PCDHA4: variants seen among roughly 807,000 people sequenced by gnomAD.
PCDHA4 encodes protocadherin alpha-4.
A neutral mutation model predicts 61.4 loss-of-function variants in PCDHA4; 49 were observed. That is an observed-to-expected ratio of 0.80 (90% CI 0.63 to 1.01). The LOEUF is 1.01. Among genes scored for constraint, PCDHA4 ranks in the 50% least tolerant of loss-of-function variants. The probability of loss-of-function intolerance (pLI) is 0.00; values close to 1 mark genes in which losing one functional copy is unlikely to be tolerated. For missense variants in PCDHA4, 1,254 were observed against 1,235.8 expected (o/e 1.01, Z -0.22); for synonymous variants, 590 against 550.3 (o/e 1.07, Z -1.01).
chr5:140,838,287 T>TTTTC (rs200382821), intron 1 of PCDHA4, among the ~76,000 whole-genome samples: 30 of 150,176 alleles, frequency 2.0e-4, no homozygotes, highest in African/African-American at 7.4e-4. Context: ...CTAATTTTTT[T>TTTTC]TTTTTTTTGT....
In PCDHA4 at chr5:140,895,957, C is replaced by G. The variant is rs186458993; in HGVS notation, c.2386-82992C>G. Among the ~76,000 whole-genome samples, 2 of 152,196 alleles carry G rather than the reference C, an allele frequency of 1.3e-5. 1 individual carries two copies. Among genetic ancestry groups the G allele is most frequent in the Admixed American group, 1.3e-4 (2 of 15,284 alleles). On this transcript the variant is annotated intron_variant, in intron 1 of 3. Transcript: ENST00000530339. Reference sequence around the variant, plus strand: ...TCCCGAGTAGCTGGGATTACAGGTGCCTGTCACCAGGCCTAGCTAATTTTT... The same window carrying G: ...TCCCGAGTAGCTGGGATTACAGGTGGCTGTCACCAGGCCTAGCTAATTTTT...
intron 1 of PCDHA4, among the ~76,000 whole-genome samples, chr5:140,899,991 G>C (rs2067668603): frequency 6.6e-6 from 1 of 151,712 alleles, no homozygotes; most frequent in African/African-American, 2.4e-5. Context: ...GATTTTTTTT[G>C]TAGAGATGAG....
chr5:140,884,385 C>T (rs1554181508), intron 1 of PCDHA4: 1 of 1,613,992 alleles, frequency 6.2e-7, no homozygotes, highest in Non-Finnish European at 8.5e-7. Context: ...GCCATCTGCG[C>T]GGTGTCCAGC....
intron 1 of PCDHA4, chr5:140,850,708 C>A: frequency 6.3e-7 from 1 of 1,598,016 alleles, no homozygotes; most frequent in Non-Finnish European, 8.6e-7. Flanking sequence ...GGCAAGCCGA[C>A]GCTGGTGTGT....
At chr5:140,965,609 G>T (rs568507618) in intron 1 of PCDHA4, among the ~76,000 whole-genome samples, 9 of 151,736 alleles carry the variant, frequency 5.9e-5, no homozygotes, top group Admixed American at 2.0e-4. Context: ...TGAAGACATT[G>T]TCATCCATTA....
rs542615615 is a variant in PCDHA4, at chr5:140,855,959, A to G, written c.2385+46387A>G. 8 of 1,399,890 alleles carry G rather than the reference A, an allele frequency of 5.7e-6. No homozygotes were observed. In the East Asian group the frequency reaches 1.1e-4, roughly 20 times the overall value. The allele number at this position is 1,399,890 out of a possible 1,614,324, so 86.7% of individuals were successfully genotyped here. On this transcript the variant is annotated intron_variant, in intron 1 of 3. Transcript: ENST00000530339. Reference sequence around the variant, plus strand: ...GAGATCTCAGCCATTTCGATAAAAAATAGATATAAGAAATAGGACAGAAAA... The same window carrying G: ...GAGATCTCAGCCATTTCGATAAAAAGTAGATATAAGAAATAGGACAGAAAA...
chr5:140,941,214 C>CTTCTTTCTTT (rs1554214039), intron 1 of PCDHA4, among the ~76,000 whole-genome samples: 1 of 122,414 alleles, frequency 8.2e-6, no homozygotes, highest in Admixed American at 8.5e-5. Context: ...TTTCTTTCTT[C>CTTCTTTCTTT]CTTTCTTTCT....
intron 1 of PCDHA4, chr5:140,828,708 C>T (rs2150158098): frequency 6.2e-7 from 1 of 1,614,220 alleles, no homozygotes. Flanking sequence ...GAGGAAGCTC[C>T]TGCACACAAC....
intron 1 of PCDHA4, chr5:140,834,667 T>C (rs1773186748): frequency 5.0e-6 from 8 of 1,614,226 alleles, no homozygotes; most frequent in Non-Finnish European, 6.8e-6. Context: ...CGCGAGGAGC[T>C]GTGCGGGCGG....
chr5:140,829,503 G>A (rs2150169106), intron 1 of PCDHA4: 5 of 1,613,554 alleles, frequency 3.1e-6, no homozygotes, highest in Middle Eastern at 1.8e-4. Flanking sequence ...AACCCGCCGG[G>A]CTGCCACATC....
In PCDHA4 at chr5:140,927,334, G is replaced by A. The variant is rs201745433; in HGVS notation, c.2386-51615G>A. The A allele has an allele frequency of 4.6e-5, 74 of 1,614,180 alleles. No individual in the cohort carries two copies. Among genetic ancestry groups the A allele is most frequent in the Non-Finnish European group, 5.9e-5 (70 of 1,180,032 alleles). ...CGGAGCCCGCTTTACTCTCCCGAAT[G>A]CCCAAGATGACGACGAGGGAAGCAA... On this transcript the variant is annotated intron_variant, in intron 1 of 3. Transcript: ENST00000530339.
At chr5:140,997,116 C>A (rs1554255739) in intron 3 of PCDHA4, among the ~76,000 whole-genome samples, 1 of 152,054 alleles carries the variant, frequency 6.6e-6, no homozygotes, top group Non-Finnish European at 1.5e-5. Context: ...CCTGCTCTCC[C>A]ACATACACAA....
chr5:140,845,266 T>G (rs1779777521), intron 1 of PCDHA4, among the ~76,000 whole-genome samples: 1 of 149,636 alleles, frequency 6.7e-6, no homozygotes, highest in Non-Finnish European at 1.5e-5. Context: ...TGTTTTCCTT[T>G]GTGAAAGTAA....
At chr5:140,873,417 AATT>A (rs1443232738) in intron 1 of PCDHA4, among the ~76,000 whole-genome samples, 1 of 152,164 alleles carries the variant, frequency 6.6e-6, no homozygotes. Flanking sequence ...AAATTTTGTA[AATT>A]ATTATTTTAT....
At chr5:140,969,241 A>G (rs1554231627) in intron 1 of PCDHA4, 2 of 1,614,230 alleles carry the variant, frequency 1.2e-6, no homozygotes, top group Admixed American at 3.3e-5. Context: ...CCCAAGCAGC[A>G]GTGACTGACA....
rs557517265 is a variant in PCDHA4 at position 140,807,268 on chromosome 5, G to T, written c.81G>T (p.Gly27=). The T allele has an allele frequency of 6.2e-7, 1 of 1,614,224 alleles. No homozygotes were observed. The highest frequency in any genetic ancestry group is 8.5e-7 in the Non-Finnish European group (1 of 1,180,046). The change falls in exon 1 of 4, where the codon GGG becomes GGT. Residue 27 remains glycine, a synonymous_variant. Transcript: ENST00000530339. ...LLLLLAAWEA[G]NGQLHYSVSE... Reference sequence around the variant, plus strand: ...TTCTCCTCGCAGCCTGGGAGGCAGGGAACGGTCAGCTCCACTACTCGGTCT... The same window carrying T: ...TTCTCCTCGCAGCCTGGGAGGCAGGTAACGGTCAGCTCCACTACTCGGTCT...
In PCDHA4 at chr5:140,857,847, C is replaced by G. The variant is rs782775653; in HGVS notation, c.2385+48275C>G. The G allele has an allele frequency of 1.4e-5, 23 of 1,597,872 alleles. 1 individual carries two copies. The South Asian group carries it at 2.0e-4, about 14-fold the overall frequency. On this transcript the variant is annotated intron_variant, in intron 1 of 3. Coordinates refer to ENST00000530339, the MANE Select transcript of PCDHA4 (RefSeq NM_018907.4). Reference sequence around the variant, plus strand: ...AAGGTGCGCGCAGTGGACGCTGACTCTGGATACAACGCGTGGCTGTCGTAT... The same window carrying G: ...AAGGTGCGCGCAGTGGACGCTGACTGTGGATACAACGCGTGGCTGTCGTAT...
intron 1 of PCDHA4, chr5:140,884,124 G>C: frequency 6.2e-7 from 1 of 1,613,344 alleles, no homozygotes; most frequent in Non-Finnish European, 8.5e-7. Flanking sequence ...GTCGGCGCGC[G>C]CATCCCGTTC....
chr5:140,817,875 A>T (rs1766223653), intron 1 of PCDHA4, among the ~76,000 whole-genome samples: 1 of 152,188 alleles, frequency 6.6e-6, no homozygotes, highest in Non-Finnish European at 1.5e-5. Flanking sequence ...ATTGAATGAA[A>T]GTTATTTTTG....
Sources: gnomAD v4.1 joint callset for allele counts (sites outside exome capture counted in the v4.1 genomes callset) on GRCh38, gnomAD v4.1.1 for gene constraint, MANE v1.5 for transcripts, NCBI Gene and HGNC (gene_info 2026-07-23, HGNC 2026-07-21) for gene names.